The following LASP1 variants were observed in gnomAD, a reference collection of about 807,000 sequenced individuals.
LASP1 encodes the protein LIM and SH3 domain protein 1.
Under a neutral mutation model 38.6 loss-of-function variants are expected in LASP1, and 10 were observed. That is an observed-to-expected ratio of 0.26 (90% CI 0.16 to 0.44). LASP1 has a LOEUF of 0.44. LASP1 is among the 20% of genes least tolerant of loss of function. LASP1 has a pLI of 1.00. For missense variants in LASP1, 243 were observed against 375.7 expected (o/e 0.65, Z 2.92); for synonymous variants, 132 against 140.8 (o/e 0.94, Z 0.44).
At chr17:38,897,288 A>G (rs1345865820) in intron 3 of LASP1, among the ~76,000 whole-genome samples, 2 of 152,252 alleles carry the variant, frequency 1.3e-5, no homozygotes, top group East Asian at 3.8e-4. Flanking sequence ...CCGTGGCTGC[A>G]TGCGCATGCG....
At chr17:38,893,380 C>T (rs1482079436) in intron 3 of LASP1, among the ~76,000 whole-genome samples, 1 of 152,172 alleles carries the variant, frequency 6.6e-6, no homozygotes, top group African/African-American at 2.4e-5. Flanking sequence ...TTGACTCCCC[C>T]GTGATTCTGA....
In LASP1 at chr17:38,920,081, G is replaced by A. The variant is rs1343239443; in HGVS notation, c.*1303G>A. The A allele has an allele frequency of 1.9e-6, 1 of 536,778 alleles. No homozygotes were observed. The highest frequency in any genetic ancestry group is 3.6e-6 in the Non-Finnish European group (1 of 276,762). The allele number at this position is 536,778 out of a possible 1,614,324, so 33.3% of individuals were successfully genotyped here. A position where few individuals can be genotyped will look rare whatever the true frequency, so the allele number is the denominator to read the frequency against. On this transcript the variant is annotated 3_prime_UTR_variant, in exon 7 of 7. Coordinates refer to ENST00000318008, the MANE Select transcript of LASP1 (RefSeq NM_006148.4). ...CTCCTTCCCCCCATCTCTGAGTGGA[G>A]GAAGCCCACCAATCTGCCCTTTGCA...
At chr17:38,900,303 C>T (rs111863241) in intron 4 of LASP1, among the ~76,000 whole-genome samples, 7,291 of 148,900 alleles carry the variant, frequency 0.049, 554 homozygotes, top group African/African-American at 0.17. Flanking sequence ...TCACCTGAGC[C>T]CAGAGGTTTG....
chr17:38,915,901 G>A (rs1009919219), intron 6 of LASP1: 8 of 152,226 alleles, frequency 5.3e-5, no homozygotes, highest in Admixed American at 1.3e-4. Flanking sequence ...AGTAGCTCAC[G>A]TAGGAGCAGA....
chr17:38,905,541 A>G (rs1914755076), intron 4 of LASP1, among the ~76,000 whole-genome samples: 1 of 151,528 alleles, frequency 6.6e-6, no homozygotes, highest in South Asian at 2.1e-4. Flanking sequence ...AAAAAAAAAA[A>G]AAAAAAAAAG....
chr17:38,905,080 C>G (rs1040374823), intron 4 of LASP1, among the ~76,000 whole-genome samples: 3 of 152,136 alleles, frequency 2.0e-5, no homozygotes, highest in Middle Eastern at 3.2e-3. Context: ...GTAGTACATC[C>G]TTTTTCATTG....
intron 3 of LASP1, among the ~76,000 whole-genome samples, chr17:38,897,360 G>T (rs1171526637): frequency 6.6e-6 from 1 of 152,232 alleles, no homozygotes; most frequent in Non-Finnish European, 1.5e-5. Flanking sequence ...CCAGGGAACT[G>T]CCTGGGTTTG....
At chr17:38,894,620 A>C (rs1308078816) in intron 3 of LASP1, among the ~76,000 whole-genome samples, 1 of 152,178 alleles carries the variant, frequency 6.6e-6, no homozygotes, top group Non-Finnish European at 1.5e-5. Flanking sequence ...AAGGAGAGGA[A>C]ATGGAACTTG....
At chr17:38,884,847 C>T (rs1216279862) in intron 2 of LASP1, among the ~76,000 whole-genome samples, 4 of 151,848 alleles carry the variant, frequency 2.6e-5, no homozygotes, top group African/African-American at 7.3e-5. Flanking sequence ...TGTGTCACCA[C>T]GCCCGGCTAA....
At chr17:38,876,892 A>T (rs1309532119) in intron 1 of LASP1, among the ~76,000 whole-genome samples, 1 of 151,856 alleles carries the variant, frequency 6.6e-6, no homozygotes, top group East Asian at 1.9e-4. Context: ...TTTAGTAGAG[A>T]TGGGGTTTCA....
chr17:38,905,336 G>A (rs1914745967), intron 4 of LASP1, among the ~76,000 whole-genome samples: 1 of 151,908 alleles, frequency 6.6e-6, no homozygotes, highest in South Asian at 2.1e-4. Context: ...AGACCATCCT[G>A]GCTAACACAG....
chr17:38,885,187 G>T (rs562964067), intron 2 of LASP1, among the ~76,000 whole-genome samples: 13 of 152,176 alleles, frequency 8.5e-5, no homozygotes, highest in Admixed American at 2.0e-4. Flanking sequence ...CCTCCCCTTC[G>T]CTGTCTGGGC....
Position 38,914,473 on chromosome 17 carries a change from C to G in LASP1, c.506C>G (p.Pro169Arg). ...CCTCACCACATCCCGACCAGTGCCC[C>G]GGGTGAGTGCAGGTCCTGTTGGTGC... Reference protein sequence around the residue: ...QQPHHIPTSAPVYQQPQQQPV... With the variant: ...QQPHHIPTSARVYQQPQQQPV... The change falls in exon 5 of 7, where the codon CCG becomes CGG. Residue 169 changes from proline (P) to arginine (R), a missense_variant and splice_region_variant. This residue lies in a region of LASP1 where 165 missense variants were observed against 210.3 expected (regional missense o/e 0.78). Coordinates refer to ENST00000318008, the MANE Select transcript of LASP1 (RefSeq NM_006148.4). 1 of 1,598,376 alleles carries G rather than the reference C, an allele frequency of 6.3e-7. No homozygotes were observed. Among genetic ancestry groups the G allele is most frequent in the Non-Finnish European group, 8.5e-7 (1 of 1,172,862 alleles).
chr17:38,914,872 G>A, intron 5 of LASP1, 171 bp from the exon 6 acceptor site: 1 of 648,772 alleles, frequency 1.5e-6, no homozygotes, highest in South Asian at 1.9e-5. Flanking sequence ...GCCCCTGCGT[G>A]GGATACAACA....
In LASP1 at chr17:38,913,355, G is replaced by T. The variant is rs577491348; in HGVS notation, c.358-970G>T. 7.4e-4 allele frequency among the ~76,000 whole-genome samples: 112 copies of T among 152,320 alleles called. 1 individual carries two copies. Among genetic ancestry groups the T allele is most frequent in the African/African-American group, 2.6e-3 (108 of 41,568 alleles). The stretch of plus-strand genomic sequence containing the variant: ...AGACAATGTCCCGCCCTCAGGGAGG[G>T]TCTGGCAGTTTTTATCCCTAAAGGC... On this transcript the variant is annotated intron_variant, in intron 4 of 6. Transcript: ENST00000318008.
At chr17:38,892,588 A>ACC (rs1555554610) in intron 3 of LASP1, among the ~76,000 whole-genome samples, 3,526 of 147,252 alleles carry the variant, frequency 0.024, 51 homozygotes, top group Middle Eastern at 0.079. Context: ...ACACACACAC[A>ACC]CACCCTTCTC....
intron 2 of LASP1, among the ~76,000 whole-genome samples, chr17:38,883,842 CTGAT>C (rs150978306): frequency 0.025 from 3,666 of 144,596 alleles, 156 homozygotes; most frequent in African/African-American, 0.089. Context: ...TTTTTTTCCT[CTGAT>C]TGAACAATGC....
intron 1 of LASP1, among the ~76,000 whole-genome samples, chr17:38,874,443 G>A (rs1035093705): frequency 1.3e-5 from 2 of 152,082 alleles, no homozygotes; most frequent in African/African-American, 2.4e-5. Context: ...GGAGGGACTG[G>A]CCATTTTCTG....
At position 38,900,479 on chromosome 17, in the gene LASP1, C is replaced by T. The variant is rs1486186296; in HGVS notation, c.357+1960C>T. Among the ~76,000 whole-genome samples the T allele has an allele frequency of 4.0e-5, 6 of 151,794 alleles. No individual in the cohort carries two copies. In the East Asian group the frequency reaches 7.7e-4, roughly 20 times the overall value. On this transcript the variant is annotated intron_variant, in intron 4 of 6. Transcript: ENST00000318008. ...CATGAGGTCAAGAGATCGAGACCAT[C>T]CTGGCCAACATGGTGAAACCCCATC...
Sources: gnomAD v4.1 joint callset for allele counts (sites outside exome capture counted in the v4.1 genomes callset) on GRCh38, gnomAD v4.1.1 for gene constraint, gnomAD v4.1.1 regional missense constraint, MANE v1.5 for transcripts, NCBI Gene and HGNC (gene_info 2026-07-23, HGNC 2026-07-21) for gene names.